The following FTCDNL1 variants were observed in gnomAD, a reference collection of about 807,000 sequenced individuals.
FTCDNL1 encodes formiminotransferase cyclodeaminase N-terminal like, also known as formiminotransferase N-terminal subdomain-containing protein.
In FTCDNL1, 11 loss-of-function variants were observed where a neutral mutation model predicts 5.9. The ratio of observed to expected loss-of-function variants is 1.87; its 90% CI spans 1.18 to 3.10. The LOEUF is 3.10. Among genes scored for constraint, FTCDNL1 ranks in the 30% most tolerant of loss-of-function variants. The pLI is 0.00. For missense variants in FTCDNL1, 115 were observed against 65.5 expected, an observed-to-expected ratio of 1.76 and a Z score of -2.61; for synonymous variants, 58 against 24.8, an observed-to-expected ratio of 2.34 and a Z score of -3.99.
At chr2:199,840,605 T>C (rs984971938) in intron 3 of FTCDNL1, among the ~76,000 whole-genome samples, 2 of 152,152 alleles carry the variant, frequency 1.3e-5, no homozygotes, top group Admixed American at 6.5e-5. Flanking sequence ...TTAAGTGTGA[T>C]ATTTCGATAT....
At chr2:199,740,304 G>C in the FTCDNL1 span, among the ~76,000 whole-genome samples, 2 of 152,182 alleles carry the variant, frequency 1.3e-5, no homozygotes, top group Admixed American at 6.5e-5. Flanking sequence ...GCCTGGAGAA[G>C]AGAAAACTCT....
chr2:199,745,519 G>T, the FTCDNL1 span, among the ~76,000 whole-genome samples: 1 of 152,176 alleles, frequency 6.6e-6, no homozygotes, highest in Non-Finnish European at 1.5e-5. Context: ...AAGGATAATT[G>T]TATCTGTCTT....
intron 3 of FTCDNL1, among the ~76,000 whole-genome samples, chr2:199,826,035 A>T (rs1249143496): frequency 6.6e-6 from 1 of 152,234 alleles, no homozygotes; most frequent in Non-Finnish European, 1.5e-5. Context: ...GCCTAAAAGC[A>T]CAAACTGTGA....
At chr2:199,669,579 G>T in the FTCDNL1 span, among the ~76,000 whole-genome samples, 1 of 152,214 alleles carries the variant, frequency 6.6e-6, no homozygotes, top group Admixed American at 6.5e-5. Context: ...TGATTTGTGC[G>T]TCCTCTTATA....
the FTCDNL1 span, among the ~76,000 whole-genome samples, chr2:199,735,183 G>A: frequency 1.3e-5 from 2 of 148,620 alleles, no homozygotes; most frequent in African/African-American, 5.0e-5. Flanking sequence ...GATTATCCTA[G>A]TGGCTACCAA....
At chr2:199,832,093 G>A (rs1702409234) in intron 3 of FTCDNL1, among the ~76,000 whole-genome samples, 1 of 152,104 alleles carries the variant, frequency 6.6e-6, no homozygotes, top group Admixed American at 6.5e-5. Flanking sequence ...AATAATCCAA[G>A]AAGGTTGTTA....
chr2:199,846,356 T>A (rs2076732687), intron 2 of FTCDNL1, among the ~76,000 whole-genome samples, 186 bp from the exon 3 acceptor site: 1 of 152,202 alleles, frequency 6.6e-6, no homozygotes, highest in Non-Finnish European at 1.5e-5. Flanking sequence ...AGCATCTTAT[T>A]GTATAACCAG....
intron 3 of FTCDNL1, among the ~76,000 whole-genome samples, chr2:199,761,241 C>A (rs898852325): frequency 2.0e-5 from 3 of 152,324 alleles, no homozygotes; most frequent in Admixed American, 1.3e-4. Flanking sequence ...CCAGCCAGGG[C>A]CACATCAGGT....
intron 3 of FTCDNL1, among the ~76,000 whole-genome samples, chr2:199,781,504 A>T (rs1699358239): frequency 6.6e-6 from 1 of 152,202 alleles, no homozygotes; most frequent in Non-Finnish European, 1.5e-5. Context: ...CAATCCAATT[A>T]GCACAATGTC....
chr2:199,716,830 G>A, the FTCDNL1 span, among the ~76,000 whole-genome samples: 3 of 152,154 alleles, frequency 2.0e-5, no homozygotes, highest in African/African-American at 4.8e-5. Flanking sequence ...ATAAATGTAA[G>A]TGTTAAATCC....
At chr2:199,814,918 G>C (rs762339457) in intron 4 of FTCDNL1, among the ~76,000 whole-genome samples, 58 of 152,284 alleles carry the variant, frequency 3.8e-4, no homozygotes, top group Middle Eastern at 3.4e-3. Context: ...AAAGTGCTCA[G>C]TAACCCATTT....
chr2:199,844,965 G>A (rs78822127), intron 3 of FTCDNL1, among the ~76,000 whole-genome samples: 1 of 151,656 alleles, frequency 6.6e-6, no homozygotes, highest in Non-Finnish European at 1.5e-5. Context: ...TGCCCAGGCT[G>A]GTCTCAAACT....
chr2:199,679,684 C>G, the FTCDNL1 span, among the ~76,000 whole-genome samples: 2 of 151,692 alleles, frequency 1.3e-5, no homozygotes, highest in African/African-American at 4.8e-5. Context: ...CATACGTGAA[C>G]CTACATTTCA....
intron 3 of FTCDNL1, among the ~76,000 whole-genome samples, chr2:199,822,403 C>CA (rs925906716): frequency 7.2e-5 from 11 of 151,750 alleles, no homozygotes; most frequent in Non-Finnish European, 1.3e-4. Flanking sequence ...GACCCTGTCT[C>CA]AAAAAAAACC....
chr2:199,774,579 C>T (rs971794012), intron 3 of FTCDNL1, among the ~76,000 whole-genome samples: 3 of 152,102 alleles, frequency 2.0e-5, no homozygotes, highest in African/African-American at 7.2e-5. Context: ...GAACATTTAC[C>T]AGCTCAGAGA....
chr2:199,737,718 C>T, the FTCDNL1 span, among the ~76,000 whole-genome samples: 1 of 152,162 alleles, frequency 6.6e-6, no homozygotes, highest in Admixed American at 6.5e-5. Flanking sequence ...TAGAAGGCCC[C>T]ACACTTGGTT....
the FTCDNL1 span, among the ~76,000 whole-genome samples, chr2:199,714,361 C>T: frequency 6.6e-6 from 1 of 151,976 alleles, no homozygotes; most frequent in Non-Finnish European, 1.5e-5. Flanking sequence ...AATTAACCAT[C>T]AATAATGTTT....
rs139987169 is a variant in FTCDNL1 at position 199,824,775 on chromosome 2, T to A, written c.212-5018A>T. Among the ~76,000 whole-genome samples, 389 of 152,330 alleles carry A rather than the reference T, an allele frequency of 2.6e-3. 5 individuals carry two copies. Among genetic ancestry groups the A allele is most frequent in the African/African-American group, 8.9e-3 (369 of 41,580 alleles). ...AGTTGGAATAACAACATTTATCAGT[T>A]ATCTCTTATGTGGTTGTGATTCGTG... On this transcript the variant is annotated intron_variant, in intron 3 of 4. Transcript: ENST00000420128.
At chr2:199,812,825 TA>T (rs768476369) in intron 4 of FTCDNL1, 101 bp from the exon 5 acceptor site, 432 of 597,790 alleles carry the variant, frequency 7.2e-4, no homozygotes, top group Non-Finnish European at 1.1e-3. Context: ...CCTAGTTAAA[TA>T]TTTTTTTATC....
Sources: gnomAD v4.1 joint callset for allele counts (sites outside exome capture counted in the v4.1 genomes callset) on GRCh38, gnomAD v4.1.1 for gene constraint, MANE v1.5 for transcripts, NCBI Gene and HGNC (gene_info 2026-07-23, HGNC 2026-07-21) for gene names.